The following PAICS variants were observed in gnomAD, a reference collection of about 807,000 sequenced individuals.
PAICS encodes the protein bifunctional phosphoribosylaminoimidazole carboxylase/phosphoribosylaminoimidazole succinocarboxamide synthetase.
A neutral mutation model predicts 53.7 loss-of-function variants in PAICS; 33 were observed. That is an observed-to-expected ratio of 0.61 (90% CI 0.47 to 0.82). The LOEUF (loss-of-function observed/expected upper bound fraction) is 0.82, where lower values mean the gene tolerates loss of function less well. Among genes scored for constraint, PAICS ranks in the 40% least tolerant of loss-of-function variants. PAICS has a pLI of 0.00. For synonymous variants in PAICS, 141 were observed against 167.2 expected, an observed-to-expected ratio of 0.84 and a Z score of 1.21; for missense variants, 394 against 494.1, an observed-to-expected ratio of 0.80 and a Z score of 1.92.
chr4:56,437,472 G>A (rs1465925325), intron 1 of PAICS, among the ~76,000 whole-genome samples: 2 of 152,034 alleles, frequency 1.3e-5, no homozygotes, highest in African/African-American at 2.4e-5. Flanking sequence ...TTGCTTTTGT[G>A]GCTGCTGGGT....
intron 2 of PAICS, among the ~76,000 whole-genome samples, chr4:56,444,015 C>T (rs1486196151): frequency 6.6e-6 from 1 of 151,944 alleles, no homozygotes; most frequent in African/African-American, 2.4e-5. Flanking sequence ...TTTTAGGGTA[C>T]ATATTAGGAA....
At chr4:56,438,259 T>C (rs1315270643) in intron 1 of PAICS, among the ~76,000 whole-genome samples, 1 of 151,654 alleles carries the variant, frequency 6.6e-6, no homozygotes, top group Non-Finnish European at 1.5e-5. Flanking sequence ...ATACATTTTA[T>C]TTATATTATT....
In PAICS at chr4:56,461,092, C is replaced by T. The variant is rs572873876; in HGVS notation, c.*1554C>T. The T allele has an allele frequency of 2.6e-5, 4 of 152,294 alleles. No homozygotes were observed. Among genetic ancestry groups the T allele is most frequent in the African/African-American group, 9.6e-5 (4 of 41,562 alleles). 9.4% of individuals were successfully genotyped at this position (152,294 alleles called of 1,614,324 possible). On this transcript the variant is annotated 3_prime_UTR_variant, in exon 9 of 9. Transcript: ENST00000512576. ...AAGGCCCACGTTTTTATCATTAAGACCTATTTGTTAGCTAGTAGAGCTTTA... is the reference window on the plus strand; with the variant it reads ...AAGGCCCACGTTTTTATCATTAAGATCTATTTGTTAGCTAGTAGAGCTTTA...
chr4:56,423,944 G>A, the PAICS span, among the ~76,000 whole-genome samples: 3 of 152,096 alleles, frequency 2.0e-5, no homozygotes, highest in Admixed American at 1.3e-4. Context: ...ACGTAGTATT[G>A]AGGTATAAAA....
chr4:56,417,835 G>GTTTTTTTT, the PAICS span, among the ~76,000 whole-genome samples: 65 of 102,552 alleles, frequency 6.3e-4, 1 homozygote, highest in African/African-American at 2.2e-3. Context: ...TGAAGATTTG[G>GTTTTTTTT]TTTTTTGTTT....
chr4:56,448,921 G>C (rs985512623), intron 5 of PAICS, 98 bp downstream of exon 5: 3 of 668,524 alleles, frequency 4.5e-6, no homozygotes, highest in Non-Finnish European at 8.1e-6. Context: ...TGTTCCTAAT[G>C]ATATGAACCT....
chr4:56,416,317 T>C, the PAICS span: 1 of 275,914 alleles, frequency 3.6e-6, no homozygotes, highest in African/African-American at 2.3e-5. Flanking sequence ...TTATCAGTCA[T>C]GTTGTTTCTA....
chr4:56,410,786 G>A, the PAICS span: 2 of 985,638 alleles, frequency 2.0e-6, no homozygotes, highest in Admixed American at 1.3e-4. Flanking sequence ...GTTCTTCCAT[G>A]ATTTGGATGT....
chr4:56,412,807 T>C, the PAICS span, among the ~76,000 whole-genome samples: 3 of 152,344 alleles, frequency 2.0e-5, no homozygotes, highest in East Asian at 5.8e-4. Context: ...GTAACCTCTT[T>C]ACCGGGCTCC....
At chr4:56,417,998 C>G in the PAICS span, among the ~76,000 whole-genome samples, 1 of 151,874 alleles carries the variant, frequency 6.6e-6, no homozygotes, top group Non-Finnish European at 1.5e-5. Context: ...CACCACACAC[C>G]CAACTAATTT....
At chr4:56,410,809 T>C in the PAICS span, 12 of 979,014 alleles carry the variant, frequency 1.2e-5, no homozygotes, top group Non-Finnish European at 1.3e-5. Context: ...TCCTGCAGTA[T>C]GAACCTGCCA....
At chr4:56,447,277 G>A (rs1467233150) in intron 3 of PAICS, among the ~76,000 whole-genome samples, 1 of 151,970 alleles carries the variant, frequency 6.6e-6, no homozygotes, top group Non-Finnish European at 1.5e-5. Flanking sequence ...AGGCTTTACT[G>A]CTTTTAACCA....
chr4:56,413,761 G>A, the PAICS span, among the ~76,000 whole-genome samples: 1 of 152,036 alleles, frequency 6.6e-6, no homozygotes, highest in Non-Finnish European at 1.5e-5. Context: ...GCTGGGCTTG[G>A]TGGTGGGCAC....
the PAICS span, chr4:56,420,748 TA>T: frequency 1.3e-5 from 2 of 152,190 alleles, no homozygotes; most frequent in East Asian, 3.8e-4. Flanking sequence ...AAATATAAAA[TA>T]CATGAGACTT....
the PAICS span, among the ~76,000 whole-genome samples, chr4:56,425,930 C>T: frequency 6.6e-6 from 1 of 152,216 alleles, no homozygotes; most frequent in Non-Finnish European, 1.5e-5. Flanking sequence ...CTGCATTAAC[C>T]TCTACACTTG....
the PAICS span, among the ~76,000 whole-genome samples, chr4:56,417,835 G>GTTTTTTTTTTTTTT: frequency 4.9e-5 from 5 of 102,512 alleles, no homozygotes; most frequent in African/African-American, 1.7e-4. Context: ...TGAAGATTTG[G>GTTTTTTTTTTTTTT]TTTTTTGTTT....
chr4:56,432,353 C>A (rs1717630042), upstream of PAICS, among the ~76,000 whole-genome samples: 1 of 151,982 alleles, frequency 6.6e-6, no homozygotes, highest in African/African-American at 2.4e-5. Context: ...CATGGTGAAA[C>A]CCCGTCTCTG....
At chr4:56,447,257 T>C (rs1718670504) in intron 3 of PAICS, among the ~76,000 whole-genome samples, 1 of 152,150 alleles carries the variant, frequency 6.6e-6, no homozygotes, top group African/African-American at 2.4e-5. Flanking sequence ...TCAGTGGTTA[T>C]GAATTTTGTA....
At chr4:56,451,039 G>C (rs546285630) in intron 6 of PAICS, 46 of 176,638 alleles carry the variant, frequency 2.6e-4, no homozygotes, top group Middle Eastern at 2.5e-3. Context: ...GGATGGTCTT[G>C]ATCTCCTGAC....
Sources: allele counts gnomAD v4.1 joint callset (sites outside exome capture counted in the v4.1 genomes callset), GRCh38; gene constraint gnomAD v4.1.1; transcripts MANE v1.5; gene names NCBI Gene and HGNC (gene_info 2026-07-23, HGNC 2026-07-21).